NLN: variants seen among roughly 807,000 people sequenced by gnomAD.
NLN encodes the protein neurolysin, also known as neurolysin, mitochondrial.
NLN carries 64 observed loss-of-function variants against 79.9 expected under a neutral mutation model. That is an observed-to-expected ratio of 0.80 (90% CI 0.65 to 0.99). The LOEUF (loss-of-function observed/expected upper bound fraction) is 0.99. NLN is among the 50% of genes least tolerant of loss of function. The probability of loss-of-function intolerance (pLI) is 0.00; values close to 1 mark genes in which losing one functional copy is unlikely to be tolerated. For synonymous variants in NLN, 267 were observed against 296.6 expected (o/e 0.90, Z 1.02); for missense variants, 835 against 858.7 (o/e 0.97, Z 0.34).
At position 65,768,914 on chromosome 5, in the gene NLN, C is replaced by T. The variant is rs546816844; in HGVS notation, c.450+5806C>T. ...AAAAGCCTATTTACAAATACAGCCA[C>T]ATTGGGGATAGGGCTTCTACAAAAG... is the stretch of plus-strand genomic sequence containing the variant. On this transcript the variant is annotated intron_variant, in intron 3 of 12. Transcript: ENST00000380985. 2.6e-5 allele frequency among the ~76,000 whole-genome samples: 4 copies of T among 152,338 alleles called. No individual in the cohort carries two copies. The East Asian group carries it at 7.7e-4, about 29-fold the overall frequency.
chr5:65,737,009 G>A (rs181283584), intron 1 of NLN, among the ~76,000 whole-genome samples: 1 of 152,120 alleles, frequency 6.6e-6, no homozygotes, highest in Non-Finnish European at 1.5e-5. Context: ...GAAGGCTAAG[G>A]TGGGAGGATT....
intron 1 of NLN, among the ~76,000 whole-genome samples, chr5:65,737,894 G>A (rs1489352020): frequency 6.6e-6 from 1 of 152,108 alleles, no homozygotes; most frequent in Non-Finnish European, 1.5e-5. Flanking sequence ...ACTTTGGGAG[G>A]CTGGGGTGGG....
intron 3 of NLN, among the ~76,000 whole-genome samples, chr5:65,763,652 T>A (rs563590279): frequency 1.7e-4 from 26 of 152,158 alleles, no homozygotes; most frequent in Non-Finnish European, 3.4e-4. Flanking sequence ...TTCATGACAC[T>A]TCAGCAATTT....
At chr5:65,772,789 G>C (rs1759596279) in intron 3 of NLN, among the ~76,000 whole-genome samples, 1 of 150,224 alleles carries the variant, frequency 6.7e-6, no homozygotes, top group Non-Finnish European at 1.5e-5. Flanking sequence ...GGACCGTAGT[G>C]ACGTGATCTC....
At chr5:65,728,279 A>G (rs972467783) in intron 1 of NLN, among the ~76,000 whole-genome samples, 1 of 152,120 alleles carries the variant, frequency 6.6e-6, no homozygotes, top group African/African-American at 2.4e-5. Flanking sequence ...AATTTTTAAT[A>G]TTATACAAAC....
rs1431875051 is a variant in NLN, at chr5:65,825,726, A to G, written c.*2811A>G. 2.0e-5 allele frequency: 3 copies of G among 152,172 alleles called. No individual in the cohort carries two copies. Among genetic ancestry groups the G allele is most frequent in the Non-Finnish European group, 4.4e-5 (3 of 68,024 alleles). The allele number at this position is 152,172 out of a possible 1,614,324, so 9.4% of individuals were successfully genotyped here. ...ATTGTGGGAGATACCAAAATTGAGG[A>G]AATAGCTCTTCAAAGAAAAATTACT... On this transcript the variant is annotated 3_prime_UTR_variant, in exon 13 of 13. Transcript: ENST00000380985.
chr5:65,784,054 T>G (rs1265223308), intron 6 of NLN, among the ~76,000 whole-genome samples: 1 of 152,170 alleles, frequency 6.6e-6, no homozygotes, highest in African/African-American at 2.4e-5. Flanking sequence ...ATGAGAAAAC[T>G]GAGGGTCAGA....
chr5:65,805,030 A>T (rs1012262317), intron 9 of NLN, among the ~76,000 whole-genome samples: 2 of 152,108 alleles, frequency 1.3e-5, no homozygotes, highest in African/African-American at 4.8e-5. Flanking sequence ...TTATTTTTAT[A>T]TCTGTTATTG....
At chr5:65,804,699 T>A (rs1760369766) in intron 9 of NLN, among the ~76,000 whole-genome samples, 1 of 152,106 alleles carries the variant, frequency 6.6e-6, no homozygotes, top group African/African-American at 2.4e-5. Context: ...CAGCTAATTT[T>A]TTTTTGTATT....
intron 3 of NLN, among the ~76,000 whole-genome samples, chr5:65,765,063 A>G (rs1258386214): frequency 1.3e-5 from 2 of 152,232 alleles, no homozygotes; most frequent in Non-Finnish European, 2.9e-5. Context: ...TAAGTTAAAT[A>G]GGATAGCCAT....
chr5:65,752,464 C>T (rs966568801), intron 1 of NLN, among the ~76,000 whole-genome samples: 4 of 152,136 alleles, frequency 2.6e-5, no homozygotes, highest in East Asian at 3.8e-4. Context: ...AGGCTCATGC[C>T]GTTTGTCTGC....
rs753569892 is a variant in NLN at position 65,788,484 on chromosome 5, G to T, written c.1325G>T (p.Arg442Met). 1.9e-6 allele frequency: 3 copies of T among 1,609,654 alleles called. No homozygotes were observed. The highest frequency in any genetic ancestry group is 1.7e-5 in the Admixed American group (1 of 59,844). ...LGQFYLDLYP[R>M]EGKYNHAACF... ...CAGTTCTATTTGGACCTCTATCCAA[G>T]GTACTGAGGATCACGTTGTTGGAAG... The change falls in exon 8 of 13, where the codon AGG (arginine) becomes ATG (methionine). Residue 442 changes from arginine (R) to methionine (M), a missense_variant and splice_region_variant. Transcript: ENST00000380985.
Position 65,792,656 on chromosome 5 carries a change from G to A in NLN, c.1527+1G>A. The A allele has an allele frequency of 1.2e-6, 2 of 1,611,520 alleles. No homozygotes were observed. Among genetic ancestry groups the A allele is most frequent in the South Asian group, 1.1e-5 (1 of 90,962 alleles). On this transcript the variant is annotated splice_donor_variant, in intron 9 of 12. Coordinates refer to ENST00000380985, the MANE Select transcript of NLN (RefSeq NM_020726.5). LOFTEE classifies it high-confidence loss of function. ...CGTGATGCATCAGATTTGTGCACAG[G>A]TGAGTTTTTTTTTTCCCCCAGTAAA...
intron 7 of NLN, among the ~76,000 whole-genome samples, chr5:65,786,609 C>A (rs985128028): frequency 6.6e-6 from 1 of 152,118 alleles, no homozygotes; most frequent in African/African-American, 2.4e-5. Flanking sequence ...GTAATCCCAG[C>A]ACTTCGGGAG....
Position 65,826,291 on chromosome 5 carries a change from A to G in NLN, c.*3376A>G, listed in dbSNP as rs1760917679. On this transcript the variant is annotated 3_prime_UTR_variant, in exon 13 of 13. Coordinates refer to ENST00000380985, the MANE Select transcript of NLN (RefSeq NM_020726.5). The stretch of plus-strand genomic sequence containing the variant: ...ATCCCATCATGAGAGTTCCTTCCTC[A>G]TGACTTTATCTAAACCCAGTCACCC... 6.6e-6 allele frequency: 1 copy of G among 152,184 alleles called. No homozygotes were observed. Among genetic ancestry groups the G allele is most frequent in the African/African-American group, 2.4e-5 (1 of 41,434 alleles). The allele number at this position is 152,184 out of a possible 1,614,324, so 9.4% of individuals were successfully genotyped here.
At chr5:65,821,884 T>C (rs913796077) in intron 12 of NLN, among the ~76,000 whole-genome samples, 1 of 152,282 alleles carries the variant, frequency 6.6e-6, no homozygotes, top group African/African-American at 2.4e-5. Flanking sequence ...CTCTGATGGT[T>C]GTACCAATCA....
chr5:65,786,023 G>A (rs1759913690), intron 7 of NLN, 113 bp downstream of exon 7: 1 of 889,492 alleles, frequency 1.1e-6, no homozygotes, highest in Non-Finnish European at 1.7e-6. Context: ...TCATTTGAGA[G>A]AAGTATATTG....
At chr5:65,819,713 T>C (rs972387017) in intron 12 of NLN, among the ~76,000 whole-genome samples, 1 of 152,130 alleles carries the variant, frequency 6.6e-6, no homozygotes, top group African/African-American at 2.4e-5. Flanking sequence ...GTTAGTTTCT[T>C]TATAAACAAA....
chr5:65,758,875 A>C, intron 2 of NLN, 49 bp downstream of exon 2: 1 of 1,518,132 alleles, frequency 6.6e-7, no homozygotes, highest in Non-Finnish European at 9.1e-7. Context: ...TGGACATCTT[A>C]AATCATTTCA....
Sources: allele counts gnomAD v4.1 joint callset (sites outside exome capture counted in the v4.1 genomes callset), GRCh38; gene constraint gnomAD v4.1.1; transcripts MANE v1.5; gene names NCBI Gene and HGNC (gene_info 2026-07-23, HGNC 2026-07-21).